CACNA1F: variants seen among roughly 807,000 people sequenced by gnomAD.
The protein encoded by CACNA1F is calcium voltage-gated channel subunit alpha1 F.
In CACNA1F, 59 loss-of-function variants were observed where a neutral mutation model predicts 143.8. The ratio of observed to expected loss-of-function variants is 0.41; its 90% CI spans 0.33 to 0.51. The LOEUF (loss-of-function observed/expected upper bound fraction) is 0.51, where lower values mean the gene tolerates loss of function less well. Among genes scored for constraint, CACNA1F ranks in the 20% least tolerant of loss-of-function variants. CACNA1F has a pLI of 0.22. For synonymous variants in CACNA1F, 643 were observed against 649.1 expected (o/e 0.99, Z 0.14); for missense variants, 1,411 against 1,647.5 (o/e 0.86, Z 2.48).
At chrX:49,210,793 G>T in intron 37 of CACNA1F, 107 bp from the exon 38 acceptor site, 1 of 871,526 alleles carries the variant, frequency 1.1e-6, no homozygotes, top group Non-Finnish European at 1.7e-6. Flanking sequence ...CCCAGAGCTT[G>T]CCAGGGAAGA....
chrX:49,225,988 C>T lies in CACNA1F; in HGVS notation c.1572G>A (p.Val524=). ...ACGTGTTGAGGAAGACGAGCAACAGCACAGCCCAGTAGCAGGCATTGGACT... is the reference window on the plus strand; with the variant it reads ...ACGTGTTGAGGAAGACGAGCAACAGTACAGCCCAGTAGCAGGCATTGGACT... ...AVKSNACYWA[V]LLLVFLNTLT... is the part of the protein sequence containing the mutation. The change falls in exon 13 of 48, where the codon GTG becomes GTA. Residue 524 remains valine, a synonymous_variant. Coordinates refer to ENST00000323022, the MANE Select transcript of CACNA1F (RefSeq NM_001256789.3). 8.5e-7 allele frequency: 1 copy of T among 1,177,435 alleles called. No homozygotes were observed. The highest frequency in any genetic ancestry group is 1.9e-5 in the South Asian group (1 of 53,236).
At chrX:49,218,324 G>C (rs1716450600) in intron 24 of CACNA1F, 131 bp downstream of exon 24, 1 of 527,775 alleles carries the variant, frequency 1.9e-6, no homozygotes, top group Admixed American at 3.0e-5. Flanking sequence ...AGTGGTCAGA[G>C]ATGTGTATTT....
intron 43 of CACNA1F, 94 bp downstream of exon 43, chrX:49,208,421 C>CCCCCCCCCCCCAACAA: frequency 2.2e-6 from 1 of 444,897 alleles, no homozygotes. Flanking sequence ...GCCCTCCCTC[C>CCCCCCCCCCCCAACAA]CACCCCCCTC....
chrX:49,229,504 T>G (rs1342254934), intron 6 of CACNA1F, among the ~76,000 whole-genome samples: 2 of 112,475 alleles, frequency 1.8e-5, no homozygotes, highest in Non-Finnish European at 3.8e-5. Context: ...TTTTGGAGAC[T>G]GGATCTCACT....
intron 35 of CACNA1F, 122 bp downstream of exon 35, chrX:49,211,776 A>G (rs2065659522): frequency 3.4e-6 from 2 of 593,231 alleles, no homozygotes; most frequent in Non-Finnish European, 5.8e-6. Flanking sequence ...GCCAGGAAAC[A>G]TCTCGGGCTG....
In CACNA1F at chrX:49,226,411, G is replaced by T. The variant is rs1557109917; in HGVS notation, c.1461C>A (p.Cys487Ter). 8.5e-7 allele frequency: 1 copy of T among 1,182,674 alleles called. No homozygotes were observed. Among genetic ancestry groups the T allele is most frequent in the South Asian group, 1.9e-5 (1 of 53,944 alleles). The change falls in exon 11 of 48, where the codon TGC (cysteine) becomes TGA (stop). Residue 487 changes from cysteine to a stop codon, truncating the protein, a stop_gained and splice_region_variant. Coordinates refer to ENST00000323022, the MANE Select transcript of CACNA1F (RefSeq NM_001256789.3). LOFTEE classifies it high-confidence loss of function. The part of the protein sequence containing the change: ...EEGALASCTR[C>*]LNKIMKTRVC... Reference sequence around the variant, plus strand: ...GGTCAGGGGCTGGGGGCCCTCACAGGCAGCGTGTACAGCTGGCCAGAGCCC... The same window carrying T: ...GGTCAGGGGCTGGGGGCCCTCACAGTCAGCGTGTACAGCTGGCCAGAGCCC...
intron 43 of CACNA1F, 99 bp from the exon 44 acceptor site, chrX:49,207,211 C>A: frequency 1.9e-6 from 1 of 533,526 alleles, no homozygotes; most frequent in South Asian, 2.6e-5. Flanking sequence ...TACAGAAACA[C>A]TGGGCTTTTG....
intron 29 of CACNA1F, 85 bp from the exon 30 acceptor site, chrX:49,214,354 C>T (rs1307924875): frequency 1.0e-5 from 6 of 574,419 alleles, no homozygotes; most frequent in South Asian, 4.6e-5. Flanking sequence ...TGGGCTGAGA[C>T]GAGTCTGGGG....
In CACNA1F at chrX:49,211,774, A is replaced by G; in HGVS notation, c.4100+124T>C. On this transcript the variant is annotated intron_variant, in intron 35 of 47. Transcript: ENST00000323022. ...AGACTCCTCACATCATAGCCAGGAA[A>G]CATCTCGGGCTGTATGGAGCCCCAT... 5.3e-5 allele frequency: 31 copies of G among 586,288 alleles called. No individual in the cohort carries two copies. The South Asian group carries it at 6.2e-4, about 12-fold the overall frequency. The allele number at this position is 586,288 out of a possible 1,213,427, so 48.3% of individuals were successfully genotyped here. A position where few individuals can be genotyped will look rare whatever the true frequency, so the allele number is the denominator to read the frequency against.
chrX:49,222,482 C>T, intron 17 of CACNA1F, 40 bp downstream of exon 17: 2 of 1,127,108 alleles, frequency 1.8e-6, no homozygotes, highest in South Asian at 1.9e-5. Context: ...AGTCAGGGAT[C>T]CCAGAGAGAG....
chrX:49,205,361 T>A lies in CACNA1F; in HGVS notation c.5677A>T (p.Ile1893Phe). ...GCAAAGAGGCCCAGACCCTCTGAGA[T>A]AAGCACCTGGGGGCACAGGTGGGAT... The part of the protein sequence containing the change: ...SADSLVEAVL[I>F]SEGLGLFARD... Residue 1893 changes from isoleucine (I) to phenylalanine (F), a missense_variant, in exon 48 of 48, where the codon ATC becomes TTC. Around this residue, in one of 3 missense-constraint regions of CACNA1F, gnomAD observed 349 missense variants for 350.2 expected, o/e 1.00. Transcript: ENST00000323022. The A allele has an allele frequency of 8.4e-7, 1 of 1,186,311 alleles. No individual in the cohort carries two copies. Among genetic ancestry groups the A allele is most frequent in the Non-Finnish European group, 1.1e-6 (1 of 876,097 alleles).
At position 49,214,204 on chromosome X, in the gene CACNA1F, G is replaced by A; in HGVS notation, c.3663C>T (p.Leu1221=). The A allele has an allele frequency of 8.3e-7, 1 of 1,206,684 alleles. No individual in the cohort carries two copies. Among genetic ancestry groups the A allele is most frequent in the Non-Finnish European group, 1.1e-6 (1 of 890,454 alleles). Residue 1221 remains leucine, a synonymous_variant, in exon 30 of 48, where the codon CTC becomes CTT. Coordinates refer to ENST00000323022, the MANE Select transcript of CACNA1F (RefSeq NM_001256789.3). ...MDILNMVFTG[L]FTIEMVLKII... ...TTTTGAGCACCATCTCAATAGTGAA[G>A]AGGCCAGTGAAGACCATGTTGAGGA...
intron 31 of CACNA1F, 75 bp downstream of exon 31, chrX:49,213,744 G>T: frequency 1.3e-6 from 1 of 755,520 alleles, no homozygotes; most frequent in East Asian, 3.2e-5. Flanking sequence ...CCACCCACGT[G>T]AAAGGGAACC....
intron 28 of CACNA1F, 27 bp from the exon 29 acceptor site, chrX:49,215,271 A>G: frequency 8.3e-7 from 1 of 1,209,914 alleles, no homozygotes; most frequent in Non-Finnish European, 1.1e-6. Context: ...GGCATGAGTG[A>G]GCAGTGGGGT....
intron 29 of CACNA1F, 88 bp from the exon 30 acceptor site, chrX:49,214,357 G>A: frequency 1.8e-6 from 1 of 569,859 alleles, no homozygotes; most frequent in Non-Finnish European, 3.1e-6. Context: ...GCTGAGACGA[G>A]TCTGGGGACT....
At position 49,226,586 on chromosome X, in the gene CACNA1F, A is replaced by G. The variant is rs782743746; in HGVS notation, c.1369+24T>C. Reference sequence around the variant, plus strand: ...CTTTCACCTCTGCCTACCCACCCCCACCCCAGCCTGGCTGGACCCCCACCA... The same window carrying G: ...CTTTCACCTCTGCCTACCCACCCCCGCCCCAGCCTGGCTGGACCCCCACCA... On this transcript the variant is annotated intron_variant, in intron 10 of 47. Coordinates refer to ENST00000323022, the MANE Select transcript of CACNA1F (RefSeq NM_001256789.3). 1.0e-5 allele frequency: 12 copies of G among 1,165,475 alleles called. No homozygotes were observed. The South Asian group carries it at 2.3e-4, about 22-fold the overall frequency.
chrX:49,211,883 G>A lies in CACNA1F; in HGVS notation c.4100+15C>T, dbSNP rs200285602. ...CCCACGGGCATAAGGTGGCAGGGGA[G>A]TGAGTAGATGTCACCTGAACAGAAG... On this transcript the variant is annotated intron_variant, in intron 35 of 47. Transcript: ENST00000323022. The A allele has an allele frequency of 8.4e-7, 1 of 1,192,492 alleles. No individual in the cohort carries two copies. The highest frequency in any genetic ancestry group is 1.8e-5 in the South Asian group (1 of 56,626).
chrX:49,229,725 T>C (rs782114344), intron 6 of CACNA1F, among the ~76,000 whole-genome samples: 3 of 97,103 alleles, frequency 3.1e-5, no homozygotes, highest in African/African-American at 1.8e-4. Flanking sequence ...TTCACGCCAT[T>C]CTCCTGCCTC....
intron 1 of CACNA1F, among the ~76,000 whole-genome samples, chrX:49,232,319 A>T (rs1602659356): frequency 1.8e-5 from 2 of 111,276 alleles, no homozygotes; most frequent in Admixed American, 1.9e-4. Context: ...TTGGAATTAG[A>T]ATTAGGATAC....
Sources: gnomAD v4.1 joint callset for allele counts (sites outside exome capture counted in the v4.1 genomes callset) on GRCh38, gnomAD v4.1.1 for gene constraint, gnomAD v4.1.1 regional missense constraint, MANE v1.5 for transcripts, NCBI Gene and HGNC (gene_info 2026-07-23, HGNC 2026-07-21) for gene names.